APPL2: variants seen among roughly 807,000 people sequenced by gnomAD.
APPL2 encodes the protein adaptor protein, phosphotyrosine interacting with PH domain and leucine zipper 2, also known as DCC-interacting protein 13-beta.
Under a neutral mutation model 92.7 loss-of-function variants are expected in APPL2, and 84 were observed. The observed-to-expected ratio is 0.91, with a 90% CI of 0.76 to 1.09. The LOEUF is 1.09. Among genes scored for constraint, APPL2 ranks in the 50% least tolerant of loss-of-function variants. APPL2 has a pLI of 0.00. For synonymous variants in APPL2, 291 were observed against 291.0 expected, an observed-to-expected ratio of 1.00 and a Z score of 0.00; for missense variants, 736 against 824.5, an observed-to-expected ratio of 0.89 and a Z score of 1.31.
At chr12:105,219,118 T>G (rs546376956) in intron 2 of APPL2, among the ~76,000 whole-genome samples, 2 of 152,384 alleles carry the variant, frequency 1.3e-5, no homozygotes, top group East Asian at 3.9e-4. Context: ...CTCCTTGGCC[T>G]TGGCCTCCAC....
chr12:105,231,721 C>A (rs937922770), intron 1 of APPL2, among the ~76,000 whole-genome samples: 1 of 152,244 alleles, frequency 6.6e-6, no homozygotes, highest in East Asian at 1.9e-4. Context: ...CAGAGAACTA[C>A]ATCACAAGTG....
intron 2 of APPL2, among the ~76,000 whole-genome samples, chr12:105,222,273 T>TGGAAGAAAACCAG (rs1890161939): frequency 6.6e-6 from 1 of 151,414 alleles, no homozygotes; most frequent in South Asian, 2.1e-4. Flanking sequence ...CAGGCACGGG[T>TGGAAGAAAACCAG]GGAAGAAAAC....
At chr12:105,217,309 T>C (rs928227204) in intron 3 of APPL2, among the ~76,000 whole-genome samples, 169 bp from the exon 4 acceptor site, 5 of 152,232 alleles carry the variant, frequency 3.3e-5, no homozygotes, top group Admixed American at 6.5e-5. Context: ...CCCTTTGTCC[T>C]GCCCCCAGGG....
At chr12:105,217,595 G>T in intron 3 of APPL2, 71 bp downstream of exon 3, 2 of 1,421,190 alleles carry the variant, frequency 1.4e-6, no homozygotes, top group Non-Finnish European at 9.8e-7. Flanking sequence ...CTCTAAGGAT[G>T]CCTCTGGATA....
At chr12:105,203,532 A>G in intron 9 of APPL2, 171 bp downstream of exon 9, 1 of 634,330 alleles carries the variant, frequency 1.6e-6, no homozygotes, top group Non-Finnish European at 2.8e-6. Flanking sequence ...TGCCCCAGAT[A>G]TTTATGAATA....
chr12:105,207,905 A>G, intron 7 of APPL2, 66 bp downstream of exon 7: 2 of 1,432,554 alleles, frequency 1.4e-6, no homozygotes. Flanking sequence ...CCATAAATTC[A>G]CAAGAGGAAG....
rs376711138 is a variant in APPL2, at chr12:105,190,065, G to A, written c.1332C>T (p.Ile444=). 10 of 1,614,166 alleles carry A rather than the reference G, an allele frequency of 6.2e-6. No individual in the cohort carries two copies. The African/African-American group carries it at 6.7e-5, about 11-fold the overall frequency. The part of the protein sequence containing the change: ...TASLPEAEEL[I]APGTPIQFDI... ...CGAATTGAATCGGCGTTCCAGGCGC[G>A]ATCAGCTCCTCTGCTTCAGGTAGAC... Residue 444 remains isoleucine (I), a synonymous_variant, in exon 15 of 21, where the codon ATC becomes ATT. Coordinates refer to ENST00000258530, the MANE Select transcript of APPL2 (RefSeq NM_018171.5).
At chr12:105,195,001 G>C (rs1352097450) in intron 14 of APPL2, among the ~76,000 whole-genome samples, 13 of 151,776 alleles carry the variant, frequency 8.6e-5, no homozygotes, top group African/African-American at 3.2e-4. Context: ...TGCACGTCCT[G>C]TTTGCTTGGA....
intron 14 of APPL2, among the ~76,000 whole-genome samples, chr12:105,191,101 G>C (rs1231200417): frequency 1.3e-5 from 2 of 152,162 alleles, no homozygotes; most frequent in African/African-American, 2.4e-5. Context: ...ACTGAATGTA[G>C]TGTATCAAAC....
chr12:105,189,679 A>C, intron 16 of APPL2, 93 bp downstream of exon 16: 1 of 1,353,944 alleles, frequency 7.4e-7, no homozygotes, highest in South Asian at 1.2e-5. Context: ...ACTCCTAATC[A>C]TAGCTCTCTA....
chr12:105,203,748 T>C lies in APPL2; in HGVS notation c.659A>G (p.Lys220Arg). Residue 220 changes from lysine (K) to arginine (R), a missense_variant, in exon 9 of 21, where the codon AAA becomes AGA. Transcript: ENST00000258530. ...FFKKGAEMFSKRMDSFLSSVA... is the reference protein window; with the variant it reads ...FFKKGAEMFSRRMDSFLSSVA... ...GGAGGATAAAAAGCTGTCCATACGT[T>C]TGGAAAACATCTCTGCTCCCTTCTT... 6.2e-7 allele frequency: 1 copy of C among 1,614,172 alleles called. No homozygotes were observed. The highest frequency in any genetic ancestry group is 1.7e-5 in the Admixed American group (1 of 60,024).
In APPL2 at chr12:105,201,718, A is replaced by G. The variant is rs1888218538; in HGVS notation, c.704+1985T>C. On this transcript the variant is annotated intron_variant, in intron 9 of 20. Transcript: ENST00000258530. ...AAACAACAAAAAAAAGCATGTATAT[A>G]TATACACACACACATATATATAAAA... Among the ~76,000 whole-genome samples, 4 of 152,174 alleles carry G rather than the reference A, an allele frequency of 2.6e-5. No homozygotes were observed. The South Asian group carries it at 8.3e-4, about 32-fold the overall frequency.
chr12:105,231,668 T>C (rs944117439), intron 1 of APPL2, among the ~76,000 whole-genome samples: 1 of 152,222 alleles, frequency 6.6e-6, no homozygotes, highest in Admixed American at 6.5e-5. Context: ...AGGGGCAGAC[T>C]GGAGCTGGAT....
chr12:105,173,637 A>G lies in APPL2; in HGVS notation c.*677T>C, dbSNP rs867608498. 4 of 152,664 alleles carry G rather than the reference A, an allele frequency of 2.6e-5. No homozygotes were observed. The highest frequency in any genetic ancestry group is 9.7e-5 in the African/African-American group (4 of 41,450). The allele number at this position is 152,664 out of a possible 1,614,324, so 9.5% of individuals were successfully genotyped here. On this transcript the variant is annotated 3_prime_UTR_variant, in exon 21 of 21. Coordinates refer to ENST00000258530, the MANE Select transcript of APPL2 (RefSeq NM_018171.5). ...ACTAAAAATACTCATACCTAGGAGG[A>G]CCTTAAACTTCTGAATGCTGGTTCA...
chr12:105,217,443 C>A (rs375549476), intron 3 of APPL2, among the ~76,000 whole-genome samples: 2 of 152,120 alleles, frequency 1.3e-5, no homozygotes, highest in African/African-American at 4.8e-5. Context: ...GACTTGGAAC[C>A]CTCAATGGCA....
chr12:105,208,898 C>A (rs1196754), intron 5 of APPL2, among the ~76,000 whole-genome samples: 133,129 of 152,232 alleles, frequency 0.87, 58,507 homozygotes, highest in East Asian at 1. Context: ...TACAATTCTA[C>A]AACAATCCAT....
chr12:105,192,233 T>C (rs1215825486), intron 14 of APPL2, among the ~76,000 whole-genome samples: 3 of 152,208 alleles, frequency 2.0e-5, no homozygotes. Flanking sequence ...CCATCTACTT[T>C]TCATCTCTGC....
intron 17 of APPL2, among the ~76,000 whole-genome samples, chr12:105,182,902 T>C (rs900426981): frequency 1.3e-5 from 2 of 152,200 alleles, no homozygotes; most frequent in Admixed American, 6.5e-5. Flanking sequence ...TCTTTGTAGA[T>C]CTCTAAGAAC....
chr12:105,207,240 G>T, intron 7 of APPL2, 33 bp from the exon 8 acceptor site: 2 of 1,601,424 alleles, frequency 1.2e-6, no homozygotes. Context: ...ACTTCAAGTT[G>T]TCTACTGTAC....
Sources: allele counts gnomAD v4.1 joint callset (sites outside exome capture counted in the v4.1 genomes callset), GRCh38; gene constraint gnomAD v4.1.1; transcripts MANE v1.5; gene names NCBI Gene and HGNC (gene_info 2026-07-23, HGNC 2026-07-21).